The following PTPRD variants were observed in gnomAD, a reference collection of about 807,000 sequenced individuals.
PTPRD encodes the protein receptor-type tyrosine-protein phosphatase delta.
A neutral mutation model predicts 214.5 loss-of-function variants in PTPRD; 34 were observed. The observed-to-expected ratio is 0.16, with a 90% CI of 0.12 to 0.21. PTPRD has a LOEUF of 0.21. PTPRD is among the 10% of genes least tolerant of loss of function. The probability of loss-of-function intolerance (pLI) is 1.00; values close to 1 mark genes in which losing one functional copy is unlikely to be tolerated. For synonymous variants in PTPRD, 1,128 were observed against 845.7 expected (o/e 1.33, Z -5.79); for missense variants, 2,545 against 2,398.7 (o/e 1.06, Z -1.27).
chr9:9,719,757 C>G (rs1026218391), intron 7 of PTPRD, among the ~76,000 whole-genome samples: 1 of 152,212 alleles, frequency 6.6e-6, no homozygotes, highest in African/African-American at 2.4e-5. Context: ...GTAACACCCT[C>G]TTTGGGGTTC....
intron 2 of PTPRD, among the ~76,000 whole-genome samples, chr9:10,547,608 C>G (rs1590616632): frequency 6.6e-6 from 1 of 152,022 alleles, no homozygotes; most frequent in East Asian, 1.9e-4. Flanking sequence ...GTATATGCTT[C>G]ATTCTAGTGT....
chr9:10,528,438 G>A (rs934909684), intron 2 of PTPRD, among the ~76,000 whole-genome samples: 1 of 152,080 alleles, frequency 6.6e-6, no homozygotes. Context: ...TACTATTAAT[G>A]TGGAGACCAC....
At chr9:8,973,433 T>A (rs1172896239) in intron 11 of PTPRD, among the ~76,000 whole-genome samples, 1 of 152,086 alleles carries the variant, frequency 6.6e-6, no homozygotes, top group Non-Finnish European at 1.5e-5. Context: ...CCACAGTACA[T>A]ATGTATCACA....
At chr9:10,285,420 G>C (rs1224179172) in intron 3 of PTPRD, among the ~76,000 whole-genome samples, 1 of 151,950 alleles carries the variant, frequency 6.6e-6, no homozygotes, top group Non-Finnish European at 1.5e-5. Context: ...TTCATTCTTT[G>C]TGGCAAAACA....
At chr9:9,984,166 A>AT (rs1366391958) in intron 4 of PTPRD, among the ~76,000 whole-genome samples, 1 of 152,204 alleles carries the variant, frequency 6.6e-6, no homozygotes, top group Non-Finnish European at 1.5e-5. Flanking sequence ...TTCATTAATA[A>AT]TTAAACTGCA....
intron 7 of PTPRD, among the ~76,000 whole-genome samples, chr9:9,712,345 G>T (rs1405469742): frequency 6.6e-6 from 1 of 152,054 alleles, no homozygotes; most frequent in Admixed American, 6.6e-5. Context: ...TAGGGACACA[G>T]TGATAGGCTG....
intron 14 of PTPRD, among the ~76,000 whole-genome samples, chr9:8,560,903 T>C (rs1204528033): frequency 6.2e-5 from 9 of 146,040 alleles, no homozygotes; most frequent in African/African-American, 2.4e-4. Flanking sequence ...TAAGTGTAAA[T>C]AAAGATGCAG....
intron 5 of PTPRD, among the ~76,000 whole-genome samples, chr9:9,784,671 G>T (rs1413188489): frequency 2.0e-5 from 3 of 149,922 alleles, no homozygotes; most frequent in Non-Finnish European, 4.5e-5. Flanking sequence ...CAAAGTATTT[G>T]TTCATTAGTG....
At chr9:10,135,459 A>C (rs2098935740) in intron 3 of PTPRD, among the ~76,000 whole-genome samples, 1 of 152,134 alleles carries the variant, frequency 6.6e-6, no homozygotes, top group African/African-American at 2.4e-5. Flanking sequence ...GATAGAAAAA[A>C]ATATTAAAGA....
intron 9 of PTPRD, among the ~76,000 whole-genome samples, chr9:9,337,717 G>C (rs919817214): frequency 6.6e-6 from 1 of 152,126 alleles, no homozygotes; most frequent in African/African-American, 2.4e-5. Flanking sequence ...CAGCCAGTTG[G>C]CTTTCCTCAA....
In PTPRD at chr9:9,676,538, T is replaced by C. The variant is rs532913345; in HGVS notation, c.-287+57995A>G. On this transcript the variant is annotated intron_variant, in intron 7 of 45. Transcript: ENST00000381196. ...ATCCAGTCTACCATTGATGGACATT[T>C]GGCTTGGTTCCAAGTCTTTGTTATT... Among the ~76,000 whole-genome samples the C allele has an allele frequency of 2.6e-4, 39 of 152,234 alleles. 1 individual carries two copies. The highest frequency in any genetic ancestry group is 2.6e-3 in the Admixed American group (39 of 15,262).
At chr9:10,207,966 T>C (rs566634850) in intron 3 of PTPRD, among the ~76,000 whole-genome samples, 2 of 152,324 alleles carry the variant, frequency 1.3e-5, no homozygotes, top group African/African-American at 2.4e-5. Context: ...AGTTGTTTCC[T>C]TGGAGAAGCT....
intron 2 of PTPRD, among the ~76,000 whole-genome samples, chr9:10,359,220 G>T (rs1489736612): frequency 6.6e-6 from 1 of 151,918 alleles, no homozygotes; most frequent in African/African-American, 2.4e-5. Flanking sequence ...GGAAGATGTA[G>T]GTGCAAAGAT....
intron 5 of PTPRD, among the ~76,000 whole-genome samples, chr9:9,921,635 A>ATTT (rs142091370): frequency 6.8e-6 from 1 of 146,010 alleles, no homozygotes. Context: ...AAAAGCCCTG[A>ATTT]TTTTTTTTTT....
At chr9:8,488,698 T>A (rs534312121) in intron 27 of PTPRD, among the ~76,000 whole-genome samples, 1 of 152,236 alleles carries the variant, frequency 6.6e-6, no homozygotes, top group Non-Finnish European at 1.5e-5. Context: ...TGTAGGGACA[T>A]TGGCAGACAT....
intron 9 of PTPRD, among the ~76,000 whole-genome samples, chr9:9,308,010 G>A (rs1595542069): frequency 6.6e-6 from 1 of 152,018 alleles, no homozygotes. Context: ...ATCTAACTGG[G>A]TTTATGAACT....
chr9:9,147,216 A>G (rs1290255126), intron 10 of PTPRD, among the ~76,000 whole-genome samples: 1 of 151,906 alleles, frequency 6.6e-6, no homozygotes, highest in Non-Finnish European at 1.5e-5. Context: ...AAACCTGAAT[A>G]ATGATAAATA....
At chr9:10,180,953 A>C (rs995177842) in intron 3 of PTPRD, among the ~76,000 whole-genome samples, 1 of 152,050 alleles carries the variant, frequency 6.6e-6, no homozygotes, top group African/African-American at 2.4e-5. Context: ...CCAAGTAAAT[A>C]TCATATTCAA....
intron 8 of PTPRD, among the ~76,000 whole-genome samples, chr9:9,564,899 T>TG (rs2084016921): frequency 7.1e-6 from 1 of 141,110 alleles, no homozygotes; most frequent in South Asian, 2.4e-4. Flanking sequence ...TTTTTTTTTT[T>TG]TTTTTTTTTT....
Sources: gnomAD v4.1 joint callset for allele counts (sites outside exome capture counted in the v4.1 genomes callset) on GRCh38, gnomAD v4.1.1 for gene constraint, MANE v1.5 for transcripts, NCBI Gene and HGNC (gene_info 2026-07-23, HGNC 2026-07-21) for gene names.